CYSTM1: variants seen among roughly 807,000 people sequenced by gnomAD.
CYSTM1 encodes cysteine-rich transmembrane module-containing protein 1.
CYSTM1 carries 4 observed loss-of-function variants against 13.1 expected under a neutral mutation model. The observed-to-expected ratio is 0.31, with a 90% CI of 0.15 to 0.70. The LOEUF (loss-of-function observed/expected upper bound fraction) is 0.70. CYSTM1 is among the 30% of genes least tolerant of loss of function. The pLI, the probability that CYSTM1 is intolerant of heterozygous loss-of-function variation, is 0.72. For missense variants in CYSTM1, 96 were observed against 121.6 expected, an observed-to-expected ratio of 0.79 and a Z score of 0.99; for synonymous variants, 36 against 42.7, an observed-to-expected ratio of 0.84 and a Z score of 0.62.
At chr5:140,210,664 A>C (rs1046908356) in intron 2 of CYSTM1, among the ~76,000 whole-genome samples, 4 of 152,036 alleles carry the variant, frequency 2.6e-5, no homozygotes, top group Non-Finnish European at 4.4e-5. Flanking sequence ...GGTATGCACC[A>C]CGATGCCCAG....
intron 2 of CYSTM1, among the ~76,000 whole-genome samples, chr5:140,238,683 A>C (rs552671090): frequency 6.6e-6 from 1 of 152,328 alleles, no homozygotes; most frequent in Admixed American, 6.5e-5. Flanking sequence ...GAGCCGTCTC[A>C]TGGCTGTCTT....
intron 2 of CYSTM1, among the ~76,000 whole-genome samples, chr5:140,234,747 G>T (rs1047949561): frequency 6.6e-6 from 1 of 152,078 alleles, no homozygotes; most frequent in Admixed American, 6.5e-5. Flanking sequence ...TCTGAGTCAG[G>T]TCAGCCACCA....
chr5:140,236,131 A>G (rs532020555), intron 2 of CYSTM1, among the ~76,000 whole-genome samples: 1 of 152,340 alleles, frequency 6.6e-6, no homozygotes, highest in South Asian at 2.1e-4. Flanking sequence ...GTCTCTCACC[A>G]CTATGAGAAG....
chr5:140,184,056 T>C (rs1763989232), intron 1 of CYSTM1, among the ~76,000 whole-genome samples: 1 of 151,528 alleles, frequency 6.6e-6, no homozygotes, highest in Non-Finnish European at 1.5e-5. Context: ...GTTTTAACTT[T>C]CATTGTTAAA....
chr5:140,185,354 A>G (rs774547146), intron 1 of CYSTM1, among the ~76,000 whole-genome samples: 2 of 152,248 alleles, frequency 1.3e-5, no homozygotes, highest in Non-Finnish European at 2.9e-5. Flanking sequence ...TTGATACAAA[A>G]GATACGTTCT....
chr5:140,213,602 C>T (rs1285246577), intron 2 of CYSTM1, among the ~76,000 whole-genome samples: 2 of 152,306 alleles, frequency 1.3e-5, no homozygotes, highest in African/African-American at 4.8e-5. Flanking sequence ...CCTGTAGGCT[C>T]CATTCATGGT....
chr5:140,215,365 C>T (rs1311190811), intron 2 of CYSTM1, among the ~76,000 whole-genome samples: 1 of 151,926 alleles, frequency 6.6e-6, no homozygotes, highest in African/African-American at 2.4e-5. Flanking sequence ...GAACTTAGCA[C>T]AGCAGACAGT....
intron 2 of CYSTM1, chr5:140,200,253 G>C (rs560818605): frequency 6.6e-6 from 1 of 152,228 alleles, no homozygotes; most frequent in East Asian, 1.9e-4. Context: ...TATGGTTTTA[G>C]GTCTTACGTT....
intron 2 of CYSTM1, among the ~76,000 whole-genome samples, chr5:140,225,603 C>T (rs1764538787): frequency 6.6e-6 from 1 of 152,242 alleles, no homozygotes; most frequent in Non-Finnish European, 1.5e-5. Flanking sequence ...AGTCATACTT[C>T]CCAAAGATGT....
At chr5:140,203,767 C>A (rs1764257963) in intron 2 of CYSTM1, among the ~76,000 whole-genome samples, 1 of 152,134 alleles carries the variant, frequency 6.6e-6, no homozygotes, top group Non-Finnish European at 1.5e-5. Context: ...ATTGAAATGA[C>A]TTCCACTCAG....
At chr5:140,211,623 C>T (rs1048640081) in intron 2 of CYSTM1, among the ~76,000 whole-genome samples, 1 of 152,176 alleles carries the variant, frequency 6.6e-6, no homozygotes, top group African/African-American at 2.4e-5. Flanking sequence ...TCCCTTTTCC[C>T]CTGGAACCTC....
chr5:140,241,353 C>T (rs1246236531), intron 2 of CYSTM1, among the ~76,000 whole-genome samples: 1 of 152,182 alleles, frequency 6.6e-6, no homozygotes, highest in Non-Finnish European at 1.5e-5. Flanking sequence ...TGCCCATGCC[C>T]CACACGGCGG....
At chr5:140,241,975 C>T (rs115577368) in intron 2 of CYSTM1, among the ~76,000 whole-genome samples, 4 of 152,226 alleles carry the variant, frequency 2.6e-5, no homozygotes, top group Non-Finnish European at 4.4e-5. Context: ...TGTGCTTGAA[C>T]GAGAGACTTG....
At chr5:140,212,417 C>G (rs1764379289) in intron 2 of CYSTM1, among the ~76,000 whole-genome samples, 1 of 152,134 alleles carries the variant, frequency 6.6e-6, no homozygotes, top group South Asian at 2.1e-4. Context: ...TGTATAAAAG[C>G]ATGGCACATA....
chr5:140,219,386 C>T lies in CYSTM1; in HGVS notation c.188-23919C>T, dbSNP rs951189891. Among the ~76,000 whole-genome samples the T allele has an allele frequency of 3.3e-5, 5 of 152,006 alleles. No individual in the cohort carries two copies. The highest frequency in any genetic ancestry group is 1.3e-4 in the Admixed American group (2 of 15,258). On this transcript the variant is annotated intron_variant, in intron 2 of 2. Coordinates refer to ENST00000261811, the MANE Select transcript of CYSTM1 (RefSeq NM_032412.4). The surrounding 1 kb of genome is among the most constrained non-coding windows in gnomAD (Gnocchi z 4.1). ...GGAATGGCCTTTGTTTCTCTGAAAT[C>T]GTGGGCAGTGTGCTGCAGGTAGTAG...
At chr5:140,177,487 G>C (rs1312011274) in intron 1 of CYSTM1, among the ~76,000 whole-genome samples, 1 of 152,108 alleles carries the variant, frequency 6.6e-6, no homozygotes, top group Non-Finnish European at 1.5e-5. Flanking sequence ...AACAGAATTG[G>C]ACCTCCAGGG....
chr5:140,237,553 G>A (rs1424067262), intron 2 of CYSTM1, among the ~76,000 whole-genome samples: 1 of 152,226 alleles, frequency 6.6e-6, no homozygotes, highest in Non-Finnish European at 1.5e-5. Flanking sequence ...AGTTCAGACT[G>A]TAGTCCTGGC....
intron 2 of CYSTM1, among the ~76,000 whole-genome samples, chr5:140,205,633 T>C (rs1403998413): frequency 6.6e-6 from 1 of 152,190 alleles, no homozygotes. Context: ...TCTGTAGAGC[T>C]GGGATTACGG....
At chr5:140,242,869 C>A (rs1764767284) in intron 2 of CYSTM1, among the ~76,000 whole-genome samples, 1 of 152,184 alleles carries the variant, frequency 6.6e-6, no homozygotes, top group East Asian at 1.9e-4. Flanking sequence ...CTTGATTATT[C>A]TTTAAGGGTT....
Sources: gnomAD v4.1 joint callset for allele counts (sites outside exome capture counted in the v4.1 genomes callset) on GRCh38, gnomAD v4.1.1 for gene constraint, Gnocchi (gnomAD v3.1) non-coding constraint, MANE v1.5 for transcripts, NCBI Gene and HGNC (gene_info 2026-07-23, HGNC 2026-07-21) for gene names.